LRRFIP1: variants seen among roughly 807,000 people sequenced by gnomAD.
LRRFIP1 encodes the protein leucine-rich repeat flightless-interacting protein 1.
A neutral mutation model predicts 104.4 loss-of-function variants in LRRFIP1; 62 were observed. That is an observed-to-expected ratio of 0.59 (90% CI 0.48 to 0.73). The LOEUF (loss-of-function observed/expected upper bound fraction) is 0.73, where lower values mean the gene tolerates loss of function less well. LRRFIP1 is among the 30% of genes least tolerant of loss of function. The pLI is 0.00. For synonymous variants in LRRFIP1, 300 were observed against 299.0 expected, an observed-to-expected ratio of 1.00 and a Z score of -0.03; for missense variants, 796 against 824.5, an observed-to-expected ratio of 0.97 and a Z score of 0.42.
At chr2:237,758,532 A>T (rs554350823) in intron 17 of LRRFIP1, among the ~76,000 whole-genome samples, 197 bp from the exon 18 acceptor site, 30 of 152,334 alleles carry the variant, frequency 2.0e-4, no homozygotes, top group African/African-American at 5.8e-4. Context: ...TATGAACAGT[A>T]ACATTTCTTG....
intron 15 of LRRFIP1, among the ~76,000 whole-genome samples, chr2:237,755,041 G>C (rs1488476387): frequency 6.6e-6 from 1 of 152,232 alleles, no homozygotes; most frequent in Non-Finnish European, 1.5e-5. Context: ...GTGAGCAGAA[G>C]CTCAGGCCAG....
At chr2:237,660,222 C>T (rs1368166821) in intron 1 of LRRFIP1, among the ~76,000 whole-genome samples, 4 of 152,196 alleles carry the variant, frequency 2.6e-5, no homozygotes, top group Non-Finnish European at 5.9e-5. Context: ...ACAAAAGGAA[C>T]TACACATGGC....
At chr2:237,674,867 C>A (rs1469439466) in intron 1 of LRRFIP1, among the ~76,000 whole-genome samples, 1 of 152,234 alleles carries the variant, frequency 6.6e-6, no homozygotes, top group African/African-American at 2.4e-5. Flanking sequence ...AGGACGTGCA[C>A]GCACGTGCTG....
intron 1 of LRRFIP1, among the ~76,000 whole-genome samples, chr2:237,700,446 G>A (rs1439561029): frequency 1.3e-5 from 2 of 152,190 alleles, no homozygotes; most frequent in Non-Finnish European, 2.9e-5. Context: ...TTCCAAAAAG[G>A]TTATAAACTA....
chr2:237,728,954 G>A (rs185959951), intron 8 of LRRFIP1, among the ~76,000 whole-genome samples: 5 of 152,098 alleles, frequency 3.3e-5, no homozygotes, highest in East Asian at 3.9e-4. Flanking sequence ...ACAAAGTCTC[G>A]TGCCCTCACC....
Position 237,649,701 on chromosome 2 carries a change from C to T in LRRFIP1, c.96+21961C>T, listed in dbSNP as rs551797681. Among the ~76,000 whole-genome samples, 38 of 152,132 alleles carry T rather than the reference C, an allele frequency of 2.5e-4. 1 individual carries two copies. Among genetic ancestry groups the T allele is most frequent in the Non-Finnish European group, 4.7e-4 (32 of 67,946 alleles). On this transcript the variant is annotated intron_variant, in intron 1 of 23. Transcript: ENST00000308482. The surrounding 1 kb of genome is among the most constrained non-coding windows in gnomAD (Gnocchi z 4.1). ...ATGTCACATTTCTCACCGGAGTCCT[C>T]GTCCCATCGCCTCCTCTCTCCCTGC...
rs1416850091 is a variant in LRRFIP1 at position 237,691,266 on chromosome 2, G to C, written c.97-17278G>C. Among the ~76,000 whole-genome samples, 1 of 152,232 alleles carries C rather than the reference G, an allele frequency of 6.6e-6. No homozygotes were observed. Among genetic ancestry groups the C allele is most frequent in the Non-Finnish European group, 1.5e-5 (1 of 68,042 alleles). ...CTTCTGCCCCCAGCCTGGCGAGGTC[G>C]GGAACCGTTTCCCGCAGGACTTTCA... On this transcript the variant is annotated intron_variant, in intron 1 of 23. Coordinates refer to ENST00000308482, the MANE Select transcript of LRRFIP1 (RefSeq NM_001137550.2). This position sits in a 1 kb window ranked among gnomAD's most constrained non-coding sequence, Gnocchi z 5.4.
At chr2:237,768,788 A>G (rs2060396691) in intron 19 of LRRFIP1, 1 of 152,244 alleles carries the variant, frequency 6.6e-6, no homozygotes, top group African/African-American at 2.4e-5. Flanking sequence ...GATTTTTTAA[A>G]TGAAAATGAA....
intron 8 of LRRFIP1, among the ~76,000 whole-genome samples, chr2:237,731,521 G>T (rs1397474889): frequency 6.6e-6 from 1 of 150,624 alleles, no homozygotes; most frequent in Non-Finnish European, 1.5e-5. Context: ...TTTTGACTCA[G>T]TATATGATCA....
chr2:237,725,745 A>C (rs1379791525), intron 7 of LRRFIP1, among the ~76,000 whole-genome samples: 3 of 152,198 alleles, frequency 2.0e-5, no homozygotes, highest in African/African-American at 4.8e-5. Context: ...TTTTCGTAGA[A>C]GGCTGTAAGT....
At position 237,763,625 on chromosome 2, in the gene LRRFIP1, A is replaced by G; in HGVS notation, c.1459+3420A>G. On this transcript the variant is annotated intron_variant, in intron 19 of 23. Coordinates refer to ENST00000308482, the MANE Select transcript of LRRFIP1 (RefSeq NM_001137550.2). ...TCCAAAACAGAAAATTGCAGCAGAA[A>G]GCAGTGAAAATGTTGATTGTCCGGA... The G allele has an allele frequency of 1.2e-6, 2 of 1,614,000 alleles. No homozygotes were observed. The highest frequency in any genetic ancestry group is 3.3e-4 in the Middle Eastern group (2 of 6,062).
At chr2:237,774,121 G>T (rs1441151889) in intron 22 of LRRFIP1, 1 of 484,582 alleles carries the variant, frequency 2.1e-6, no homozygotes. Flanking sequence ...AAACCACCCT[G>T]GTGGACGGGG....
In LRRFIP1 at chr2:237,703,195, A is replaced by G. The variant is rs1383746771; in HGVS notation, c.97-5349A>G. On this transcript the variant is annotated intron_variant, in intron 1 of 23. Transcript: ENST00000308482. The surrounding 1 kb of genome is among the most constrained non-coding windows in gnomAD (Gnocchi z 4.3). ...ACTCAACCTGCAGGCCGTCTGGGGT[A>G]TGCACAGTCTCGTCTCCTGAGTTCT... 1.3e-5 allele frequency among the ~76,000 whole-genome samples: 2 copies of G among 152,158 alleles called. No homozygotes were observed. Among genetic ancestry groups the G allele is most frequent in the African/African-American group, 2.4e-5 (1 of 41,438 alleles).
chr2:237,685,100 C>T (rs2092243507), intron 1 of LRRFIP1, among the ~76,000 whole-genome samples: 2 of 55,398 alleles, frequency 3.6e-5, no homozygotes, highest in East Asian at 1.6e-3. Context: ...GACCTTGTCT[C>T]CCTACCCTCC....
At position 237,751,067 on chromosome 2, in the gene LRRFIP1, T is replaced by G. The variant is rs2058568152; in HGVS notation, c.796-133T>G. 5.0e-6 allele frequency: 3 copies of G among 603,388 alleles called. No homozygotes were observed. In the Admixed American group the frequency reaches 9.8e-5, roughly 20 times the overall value. 37.4% of individuals were successfully genotyped at this position (603,388 alleles called of 1,614,324 possible). A position where few individuals can be genotyped will look rare whatever the true frequency, so the allele number is the denominator to read the frequency against. ...TTAAATATTGAAGTTTATTTTCCCT[T>G]AACGCTTAATAAAATAAAAAAGAAA... On this transcript the variant is annotated intron_variant, in intron 13 of 23. Coordinates refer to ENST00000308482, the MANE Select transcript of LRRFIP1 (RefSeq NM_001137550.2).
At chr2:237,640,951 T>C (rs564615350) in intron 1 of LRRFIP1, among the ~76,000 whole-genome samples, 1 of 152,320 alleles carries the variant, frequency 6.6e-6, no homozygotes, top group African/African-American at 2.4e-5. Context: ...CCATTAACCA[T>C]GTGAATGTTC....
In LRRFIP1 at chr2:237,766,040, C is replaced by T. The variant is rs567647264; in HGVS notation, c.1460-3903C>T. On this transcript the variant is annotated intron_variant, in intron 19 of 23. Coordinates refer to ENST00000308482, the MANE Select transcript of LRRFIP1 (RefSeq NM_001137550.2). This position sits in a 1 kb window ranked among gnomAD's most constrained non-coding sequence, Gnocchi z 4.8. ...CTATTGGGGTTCCGTGGAAGACCCACGCCTGATGCCCTCCCTCAGTAAGGA... is the reference window on the plus strand; with the variant it reads ...CTATTGGGGTTCCGTGGAAGACCCATGCCTGATGCCCTCCCTCAGTAAGGA... 7.0e-5 allele frequency: 28 copies of T among 401,056 alleles called. No individual in the cohort carries two copies. Among genetic ancestry groups the T allele is most frequent in the African/African-American group, 5.0e-4 (23 of 45,928 alleles). 24.8% of individuals were successfully genotyped at this position (401,056 alleles called of 1,614,324 possible). A position where few individuals can be genotyped will look rare whatever the true frequency, so the allele number is the denominator to read the frequency against.
chr2:237,687,770 C>T (rs561700118), intron 1 of LRRFIP1, among the ~76,000 whole-genome samples: 1 of 152,254 alleles, frequency 6.6e-6, no homozygotes. Flanking sequence ...AGAAAAATGA[C>T]TTCATGTTAG....
At chr2:237,679,957 T>G (rs911375341) in intron 1 of LRRFIP1, among the ~76,000 whole-genome samples, 1 of 152,114 alleles carries the variant, frequency 6.6e-6, no homozygotes. Context: ...CAATGTTGCA[T>G]GTAGGAATAA....
Sources: allele counts gnomAD v4.1 joint callset (sites outside exome capture counted in the v4.1 genomes callset), GRCh38; gene constraint gnomAD v4.1.1; non-coding constraint Gnocchi (gnomAD v3.1); transcripts MANE v1.5; gene names NCBI Gene and HGNC (gene_info 2026-07-23, HGNC 2026-07-21).